The following NOL4 variants were observed in gnomAD, a reference collection of about 807,000 sequenced individuals.
NOL4 encodes the protein cancer/testis antigen 125.
A neutral mutation model predicts 75.9 loss-of-function variants in NOL4; 17 were observed. The ratio of observed to expected loss-of-function variants is 0.22; its 90% CI spans 0.15 to 0.34. The LOEUF is 0.34. Ranked by LOEUF, NOL4 falls within the 10% of genes least tolerant of loss-of-function variation. NOL4 has a pLI of 1.00. For synonymous variants in NOL4, 292 were observed against 289.9 expected, an observed-to-expected ratio of 1.01 and a Z score of -0.07; for missense variants, 614 against 793.5, an observed-to-expected ratio of 0.77 and a Z score of 2.72.
chr18:33,932,407 TA>T (rs2067757994), intron 9 of NOL4, among the ~76,000 whole-genome samples: 1 of 151,936 alleles, frequency 6.6e-6, no homozygotes, highest in Non-Finnish European at 1.5e-5. Context: ...ACCTATAAAA[TA>T]AACTAAAATT....
chr18:34,079,532 G>A (rs571968374), intron 5 of NOL4, among the ~76,000 whole-genome samples: 2 of 152,040 alleles, frequency 1.3e-5, no homozygotes, highest in African/African-American at 4.8e-5. Flanking sequence ...CAGTTTTCCT[G>A]ACTACACCTT....
chr18:34,022,187 T>C (rs2075085521), intron 5 of NOL4, among the ~76,000 whole-genome samples: 1 of 151,408 alleles, frequency 6.6e-6, no homozygotes, highest in Non-Finnish European at 1.5e-5. Context: ...TGTAATGAAA[T>C]AATATTATTT....
At chr18:33,922,636 A>G (rs1467795891) in intron 9 of NOL4, among the ~76,000 whole-genome samples, 1 of 152,222 alleles carries the variant, frequency 6.6e-6, no homozygotes, top group Admixed American at 6.5e-5. Flanking sequence ...GGAAAAATAT[A>G]CAAGAGCATC....
At chr18:34,221,331 T>C (rs2037285108) in intron 1 of NOL4, 1 of 152,234 alleles carries the variant, frequency 6.6e-6, no homozygotes, top group Admixed American at 6.5e-5. Flanking sequence ...AATGCATGTT[T>C]ATGTTTTGAA....
At chr18:34,221,037 G>T (rs1360714010) in intron 1 of NOL4, 1 of 152,026 alleles carries the variant, frequency 6.6e-6, no homozygotes, top group Non-Finnish European at 1.5e-5. Flanking sequence ...AAATTGTTCA[G>T]AATTTATGTT....
intron 1 of NOL4, among the ~76,000 whole-genome samples, chr18:34,193,228 A>T (rs928091461): frequency 6.6e-6 from 1 of 152,202 alleles, no homozygotes; most frequent in Non-Finnish European, 1.5e-5. Context: ...TATACCCAAA[A>T]CACAGCAAAA....
At chr18:33,906,303 G>A (rs1157357614) in intron 9 of NOL4, among the ~76,000 whole-genome samples, 3 of 152,110 alleles carry the variant, frequency 2.0e-5, no homozygotes, top group African/African-American at 7.2e-5. Context: ...GTCACCTCTG[G>A]ACTCCAACCC....
At chr18:34,221,261 T>G (rs1442513339) in intron 1 of NOL4, 3 of 152,232 alleles carry the variant, frequency 2.0e-5, no homozygotes, top group Non-Finnish European at 2.9e-5. Flanking sequence ...AATAATACCT[T>G]AAGTAAAGAT....
chr18:34,094,070 A>G (rs1205331161), intron 4 of NOL4, among the ~76,000 whole-genome samples: 2 of 152,128 alleles, frequency 1.3e-5, no homozygotes, highest in Non-Finnish European at 2.9e-5. Flanking sequence ...CAAACAAAAA[A>G]ACAATGGAAT....
intron 5 of NOL4, among the ~76,000 whole-genome samples, chr18:34,078,412 G>A (rs190583569): frequency 4.4e-4 from 67 of 152,188 alleles, no homozygotes; most frequent in African/African-American, 1.4e-3. Context: ...TTTAAGCAAC[G>A]CCATTTCTGA....
chr18:33,947,980 C>A (rs565163136), intron 8 of NOL4, among the ~76,000 whole-genome samples: 1 of 151,986 alleles, frequency 6.6e-6, no homozygotes, highest in Admixed American at 6.6e-5. Context: ...CAACAAACTT[C>A]CATTTTTGTG....
At chr18:33,978,297 G>C (rs888790643) in intron 6 of NOL4, among the ~76,000 whole-genome samples, 3 of 152,158 alleles carry the variant, frequency 2.0e-5, no homozygotes, top group African/African-American at 7.2e-5. Flanking sequence ...TACAGACAAA[G>C]AGTCTTGCGA....
At chr18:34,211,815 G>C (rs1467153345) in intron 1 of NOL4, among the ~76,000 whole-genome samples, 8 of 152,064 alleles carry the variant, frequency 5.3e-5, no homozygotes, top group Non-Finnish European at 2.9e-5. Flanking sequence ...AACGTAGAGA[G>C]GAGAGACTAA....
At chr18:34,004,025 C>T (rs2073891599) in intron 6 of NOL4, among the ~76,000 whole-genome samples, 1 of 152,026 alleles carries the variant, frequency 6.6e-6, no homozygotes, top group Non-Finnish European at 1.5e-5. Flanking sequence ...TACCTGGAGG[C>T]TTCATCTGCA....
At chr18:34,024,281 G>A (rs1421650205) in intron 5 of NOL4, among the ~76,000 whole-genome samples, 2 of 145,580 alleles carry the variant, frequency 1.4e-5, no homozygotes, top group Admixed American at 6.9e-5. Context: ...TGCTCACAGG[G>A]TCCACAAAGA....
At chr18:33,966,667 C>A (rs552654544) in intron 6 of NOL4, among the ~76,000 whole-genome samples, 3 of 151,782 alleles carry the variant, frequency 2.0e-5, no homozygotes, top group Non-Finnish European at 4.4e-5. Flanking sequence ...AGCTGAGAAC[C>A]AAATCAACAA....
At chr18:33,888,163 A>G (rs1401293830) in intron 9 of NOL4, among the ~76,000 whole-genome samples, 2 of 152,176 alleles carry the variant, frequency 1.3e-5, no homozygotes, top group Non-Finnish European at 2.9e-5. Flanking sequence ...CATTTCTCTG[A>G]TGACCAGTGA....
chr18:33,992,903 A>T (rs988835616), intron 6 of NOL4, among the ~76,000 whole-genome samples: 1 of 152,026 alleles, frequency 6.6e-6, no homozygotes, highest in African/African-American at 2.4e-5. Flanking sequence ...GTAGCACTTA[A>T]TCTCTTACTA....
At chr18:33,991,810 A>G (rs779358495) in intron 6 of NOL4, among the ~76,000 whole-genome samples, 12 of 152,064 alleles carry the variant, frequency 7.9e-5, no homozygotes, top group Non-Finnish European at 1.8e-4. Context: ...TACTAGACAG[A>G]GCAGAGCATT....
Sources: gnomAD v4.1 joint callset for allele counts (sites outside exome capture counted in the v4.1 genomes callset) on GRCh38, gnomAD v4.1.1 for gene constraint, MANE v1.5 for transcripts, NCBI Gene and HGNC (gene_info 2026-07-23, HGNC 2026-07-21) for gene names.